The following MYRIP variants were observed in gnomAD, a reference collection of about 807,000 sequenced individuals.
The protein encoded by MYRIP is myosin VIIA and Rab interacting protein, also known as rab effector MyRIP.
In MYRIP, 49 loss-of-function variants were observed where a neutral mutation model predicts 98.0. The ratio of observed to expected loss-of-function variants is 0.50; its 90% CI spans 0.40 to 0.63. The LOEUF (loss-of-function observed/expected upper bound fraction) is 0.63, where lower values mean the gene tolerates loss of function less well. Ranked by LOEUF, MYRIP falls within the 30% of genes least tolerant of loss-of-function variation. The pLI is 0.00. For synonymous variants in MYRIP, 404 were observed against 409.5 expected, an observed-to-expected ratio of 0.99 and a Z score of 0.16; for missense variants, 1,004 against 1,058.2, an observed-to-expected ratio of 0.95 and a Z score of 0.71.
intron 5 of MYRIP, among the ~76,000 whole-genome samples, chr3:40,165,105 A>G (rs947077242): frequency 6.6e-6 from 1 of 152,244 alleles, no homozygotes; most frequent in Non-Finnish European, 1.5e-5. Context: ...GGGGAGATAC[A>G]GTGTCTACCA....
chr3:39,971,150 G>A (rs1945570869), intron 2 of MYRIP, among the ~76,000 whole-genome samples: 1 of 152,102 alleles, frequency 6.6e-6, no homozygotes, highest in Admixed American at 6.6e-5. Context: ...AGGCTAGTTA[G>A]TAAAGCTTGT....
At chr3:40,117,235 A>T (rs1051227861) in intron 3 of MYRIP, among the ~76,000 whole-genome samples, 1 of 152,222 alleles carries the variant, frequency 6.6e-6, no homozygotes, top group African/African-American at 2.4e-5. Flanking sequence ...TACACCGGTT[A>T]TGTAAAAGCA....
chr3:40,077,864 G>A (rs901035061), intron 3 of MYRIP, among the ~76,000 whole-genome samples: 3 of 151,906 alleles, frequency 2.0e-5, no homozygotes, highest in South Asian at 2.1e-4. Context: ...ATCCCGCACC[G>A]GGGCTGCAGG....
intron 4 of MYRIP, among the ~76,000 whole-genome samples, chr3:40,160,976 G>C (rs939965044): frequency 6.6e-6 from 1 of 152,296 alleles, no homozygotes; most frequent in South Asian, 2.1e-4. Context: ...CGTCGCTCAC[G>C]CTGGGAGCTG....
Position 39,990,965 on chromosome 3 carries a change from C to T in MYRIP, c.111-53085C>T, listed in dbSNP as rs530719191. Among the ~76,000 whole-genome samples, 163 of 152,156 alleles carry T rather than the reference C, an allele frequency of 1.1e-3. 1 individual carries two copies. Among genetic ancestry groups the T allele is most frequent in the Non-Finnish European group, 2.0e-3 (133 of 68,014 alleles). ...GAGTTGAACGAAGAACACATGGACA[C>T]AGGAAGGGGAACATCACACACTGGG... On this transcript the variant is annotated intron_variant, in intron 2 of 16. Coordinates refer to ENST00000302541, the MANE Select transcript of MYRIP (RefSeq NM_015460.4).
At chr3:40,097,070 G>C (rs575409515) in intron 3 of MYRIP, among the ~76,000 whole-genome samples, 1 of 152,294 alleles carries the variant, frequency 6.6e-6, no homozygotes, top group East Asian at 1.9e-4. Flanking sequence ...TTGACTCACT[G>C]CCTTTGCAAA....
At position 39,925,508 on chromosome 3, in the gene MYRIP, T is replaced by G. The variant is rs1311143812; in HGVS notation, c.110+24582T>G. ...CCTCCTTTTCTCCAGTACTCCCCAGTGTCTATTGTTCCCATCTTTATGTCC... is the reference window on the plus strand; with the variant it reads ...CCTCCTTTTCTCCAGTACTCCCCAGGGTCTATTGTTCCCATCTTTATGTCC... On this transcript the variant is annotated intron_variant, in intron 2 of 16. Coordinates refer to ENST00000302541, the MANE Select transcript of MYRIP (RefSeq NM_015460.4). 2.0e-5 allele frequency among the ~76,000 whole-genome samples: 3 copies of G among 152,096 alleles called. No individual in the cohort carries two copies. The East Asian group carries it at 5.8e-4, about 29-fold the overall frequency.
intron 2 of MYRIP, among the ~76,000 whole-genome samples, chr3:39,990,594 A>G (rs1946149926): frequency 6.6e-6 from 1 of 152,254 alleles, no homozygotes. Flanking sequence ...TTGTTGTTAC[A>G]TTAGGCCACA....
chr3:39,922,450 C>T (rs1358636383), intron 2 of MYRIP, among the ~76,000 whole-genome samples: 1 of 152,200 alleles, frequency 6.6e-6, no homozygotes, highest in African/African-American at 2.4e-5. Context: ...GCCACTTGGA[C>T]AGCCAGACCA....
At chr3:40,056,078 C>G (rs9832724) in intron 3 of MYRIP, among the ~76,000 whole-genome samples, 43,888 of 151,950 alleles carry the variant, frequency 0.29, 6,373 homozygotes, top group East Asian at 0.35. Flanking sequence ...TTAGCCAGCA[C>G]GTGTGACAGG....
At chr3:39,878,379 A>C (rs1314712288) in intron 1 of MYRIP, among the ~76,000 whole-genome samples, 2 of 152,082 alleles carry the variant, frequency 1.3e-5, no homozygotes, top group East Asian at 1.9e-4. Flanking sequence ...TCTGGCACTC[A>C]CTAGTGAGAT....
intron 2 of MYRIP, among the ~76,000 whole-genome samples, chr3:40,015,273 A>G (rs1336997241): frequency 6.6e-6 from 1 of 152,188 alleles, no homozygotes; most frequent in Non-Finnish European, 1.5e-5. Context: ...CTGCAAGGTG[A>G]GTGAGAGTTC....
intron 1 of MYRIP, among the ~76,000 whole-genome samples, chr3:39,849,820 C>T (rs1942072879): frequency 6.6e-6 from 1 of 152,182 alleles, no homozygotes; most frequent in Non-Finnish European, 1.5e-5. Flanking sequence ...AAGCCTGACC[C>T]TTTTGACTTA....
intron 3 of MYRIP, among the ~76,000 whole-genome samples, chr3:40,092,462 G>A (rs1948750165): frequency 6.6e-6 from 1 of 152,176 alleles, no homozygotes; most frequent in African/African-American, 2.4e-5. Flanking sequence ...AGCTGATGGA[G>A]GGGCATTCAG....
At chr3:39,873,551 A>C (rs1053878357) in intron 1 of MYRIP, among the ~76,000 whole-genome samples, 19 of 152,290 alleles carry the variant, frequency 1.2e-4, no homozygotes, top group Non-Finnish European at 2.4e-4. Context: ...TCAGCTTTCT[A>C]CATATGGCTA....
chr3:39,896,036 C>A (rs532832477), intron 1 of MYRIP, among the ~76,000 whole-genome samples: 1 of 152,236 alleles, frequency 6.6e-6, no homozygotes, highest in Non-Finnish European at 1.5e-5. Flanking sequence ...GTTGGCCAAC[C>A]ACAGCCAGCT....
At chr3:40,022,332 A>C (rs1947017052) in intron 2 of MYRIP, among the ~76,000 whole-genome samples, 1 of 152,238 alleles carries the variant, frequency 6.6e-6, no homozygotes, top group African/African-American at 2.4e-5. Flanking sequence ...AGTACAAAGC[A>C]GTAGCTATGC....
intron 11 of MYRIP, among the ~76,000 whole-genome samples, chr3:40,213,864 G>A (rs754329684): frequency 1.3e-5 from 2 of 152,202 alleles, no homozygotes; most frequent in African/African-American, 2.4e-5. Context: ...TGACTGATGG[G>A]AAGGGTGTAA....
At chr3:40,167,064 C>T (rs1575591012) in intron 6 of MYRIP, 95 bp from the exon 7 acceptor site, 2 of 1,391,874 alleles carry the variant, frequency 1.4e-6, no homozygotes, top group East Asian at 4.6e-5. Flanking sequence ...GCAAGGCCCT[C>T]CCTCTGCTTT....
Sources: gnomAD v4.1 joint callset for allele counts (sites outside exome capture counted in the v4.1 genomes callset) on GRCh38, gnomAD v4.1.1 for gene constraint, MANE v1.5 for transcripts, NCBI Gene and HGNC (gene_info 2026-07-23, HGNC 2026-07-21) for gene names.